TRPC6: variants seen among roughly 807,000 people sequenced by gnomAD.
TRPC6 encodes the protein transient receptor potential cation channel subfamily C member 6.
In TRPC6, 55 loss-of-function variants were observed where a neutral mutation model predicts 90.7. That is an observed-to-expected ratio of 0.61 (90% CI 0.49 to 0.76). TRPC6 has a LOEUF of 0.76. Among genes scored for constraint, TRPC6 ranks in the 30% least tolerant of loss-of-function variants. The probability of loss-of-function intolerance (pLI) is 0.00; values close to 1 mark genes in which losing one functional copy is unlikely to be tolerated. For missense variants in TRPC6, 989 were observed against 1,122.7 expected, an observed-to-expected ratio of 0.88 and a Z score of 1.70; for synonymous variants, 393 against 393.0, an observed-to-expected ratio of 1.00 and a Z score of 0.00.
chr11:101,526,718 G>T (rs1229587690), intron 1 of TRPC6, among the ~76,000 whole-genome samples: 1 of 151,664 alleles, frequency 6.6e-6, no homozygotes, highest in African/African-American at 2.4e-5. Context: ...CAAAAAATTA[G>T]CTGGGCGTGG....
chr11:101,542,336 G>T (rs910105115), intron 1 of TRPC6, among the ~76,000 whole-genome samples: 11 of 152,180 alleles, frequency 7.2e-5, no homozygotes, highest in Admixed American at 1.3e-4. Context: ...ATTGGCCACT[G>T]TATTCAGACC....
intron 1 of TRPC6, among the ~76,000 whole-genome samples, chr11:101,546,050 C>CCTT (rs1861295770): frequency 6.7e-5 from 2 of 29,692 alleles, no homozygotes; most frequent in African/African-American, 2.6e-4. Context: ...ATTTATAACT[C>CCTT]TTTTTTTTTT....
chr11:101,564,545 G>C (rs868846997), intron 1 of TRPC6, among the ~76,000 whole-genome samples: 1 of 152,130 alleles, frequency 6.6e-6, no homozygotes, highest in Middle Eastern at 3.4e-3. Flanking sequence ...TTTAAAAAGA[G>C]ATGCTTCCAA....
intron 1 of TRPC6, among the ~76,000 whole-genome samples, chr11:101,542,847 G>T (rs1360393224): frequency 6.6e-6 from 1 of 151,912 alleles, no homozygotes; most frequent in Non-Finnish European, 1.5e-5. Flanking sequence ...AAAACCTTAA[G>T]AAAACATGAG....
intron 1 of TRPC6, among the ~76,000 whole-genome samples, chr11:101,544,784 C>T (rs1048080491): frequency 7.2e-5 from 11 of 151,946 alleles, no homozygotes; most frequent in South Asian, 4.1e-4. Flanking sequence ...ATGTAGATGA[C>T]GGGTTGATGG....
In TRPC6 at chr11:101,455,112, A is replaced by C; in HGVS notation, c.2485-11T>G. The C allele has an allele frequency of 6.2e-7, 1 of 1,606,000 alleles. No homozygotes were observed. The highest frequency in any genetic ancestry group is 1.7e-4 in the Middle Eastern group (1 of 6,030). On this transcript the variant is annotated splice_polypyrimidine_tract_variant and intron_variant, in intron 10 of 12. Coordinates refer to ENST00000344327, the MANE Select transcript of TRPC6 (RefSeq NM_004621.6). The stretch of plus-strand genomic sequence containing the variant: ...TTTATTGTGCCCAACCTGTAATTTG[A>C]AAAGATTTAGAAATGGATTCCTACT...
At chr11:101,501,600 A>G (rs1860127588) in intron 2 of TRPC6, among the ~76,000 whole-genome samples, 1 of 152,098 alleles carries the variant, frequency 6.6e-6, no homozygotes, top group Admixed American at 6.6e-5. Context: ...CTGTGAGTTT[A>G]CACACAAAGG....
chr11:101,565,068 A>C (rs1037466291), intron 1 of TRPC6, among the ~76,000 whole-genome samples: 2 of 152,148 alleles, frequency 1.3e-5, no homozygotes, highest in South Asian at 2.1e-4. Flanking sequence ...AAATCAGCTC[A>C]AAATAGATTA....
intron 4 of TRPC6, among the ~76,000 whole-genome samples, chr11:101,487,147 C>G (rs1213595710): frequency 1.3e-5 from 2 of 152,046 alleles, no homozygotes; most frequent in Non-Finnish European, 2.9e-5. Flanking sequence ...GCACCAGACA[C>G]TCTGGAATAC....
intron 2 of TRPC6, among the ~76,000 whole-genome samples, chr11:101,493,643 A>T (rs939214577): frequency 6.6e-6 from 1 of 152,210 alleles, no homozygotes; most frequent in East Asian, 1.9e-4. Flanking sequence ...CATTTTGCAC[A>T]TGAAAAAACT....
intron 1 of TRPC6, among the ~76,000 whole-genome samples, chr11:101,506,850 T>C (rs1466876598): frequency 6.6e-6 from 1 of 152,160 alleles, no homozygotes; most frequent in East Asian, 1.9e-4. Flanking sequence ...CCAGAGGTGA[T>C]ACATTTCAAT....
intron 10 of TRPC6, among the ~76,000 whole-genome samples, chr11:101,464,952 G>A (rs1859107205): frequency 1.3e-5 from 2 of 152,042 alleles, no homozygotes; most frequent in African/African-American, 4.8e-5. Context: ...TCCATACTTA[G>A]TGCTTCCTTC....
At chr11:101,496,357 T>C (rs865984432) in intron 2 of TRPC6, among the ~76,000 whole-genome samples, 17 of 152,168 alleles carry the variant, frequency 1.1e-4, no homozygotes, top group African/African-American at 3.9e-4. Flanking sequence ...TCTGGGGCTC[T>C]TCTGCTCCTC....
intron 1 of TRPC6, among the ~76,000 whole-genome samples, chr11:101,567,021 G>C (rs1861848635): frequency 7.4e-6 from 1 of 134,876 alleles, no homozygotes; most frequent in South Asian, 2.7e-4. Context: ...CAGTGAGACA[G>C]AACCATTCAC....
intron 1 of TRPC6, among the ~76,000 whole-genome samples, chr11:101,505,778 G>A (rs1860248021): frequency 6.6e-6 from 1 of 152,134 alleles, no homozygotes; most frequent in Admixed American, 6.5e-5. Flanking sequence ...ACCTTGCAGG[G>A]CCAAGGTGGG....
chr11:101,565,647 C>T (rs1346665280), intron 1 of TRPC6, among the ~76,000 whole-genome samples: 3 of 151,946 alleles, frequency 2.0e-5, no homozygotes, highest in Non-Finnish European at 4.4e-5. Flanking sequence ...ATCATATAGA[C>T]CCATCATTTC....
Position 101,583,703 on chromosome 11 carries a change from T to G in TRPC6, c.-200A>C. The G allele has an allele frequency of 1.9e-6, 1 of 519,090 alleles. No homozygotes were observed. Among genetic ancestry groups the G allele is most frequent in the Non-Finnish European group, 3.2e-6 (1 of 311,180 alleles). 32.2% of individuals were successfully genotyped at this position (519,090 alleles called of 1,614,324 possible). ...CACTGGCCCGGGGAAAAGTCACCAC[T>G]TAAGGGGGTGCAAAGAGGATCTTGA... On this transcript the variant is annotated 5_prime_UTR_variant, in exon 1 of 13. Transcript: ENST00000344327.
Position 101,570,036 on chromosome 11 carries a change from G to A in TRPC6, c.170+13298C>T, listed in dbSNP as rs187317543. On this transcript the variant is annotated intron_variant, in intron 1 of 12. Transcript: ENST00000344327. ...AAGTAAGATCAGAGCACAACTGAAGGAGATAGAGACACAAAAAACCCTTCA... is the reference window on the plus strand; with the variant it reads ...AAGTAAGATCAGAGCACAACTGAAGAAGATAGAGACACAAAAAACCCTTCA... Among the ~76,000 whole-genome samples the A allele has an allele frequency of 8.2e-4, 125 of 152,178 alleles. 1 individual carries two copies. The highest frequency in any genetic ancestry group is 2.8e-3 in the African/African-American group (118 of 41,542).
At chr11:101,572,200 A>G (rs1861979004) in intron 1 of TRPC6, among the ~76,000 whole-genome samples, 2 of 152,202 alleles carry the variant, frequency 1.3e-5, no homozygotes, top group Non-Finnish European at 2.9e-5. Context: ...CCCATCAAAA[A>G]GTGGGCAAAG....
Sources: gnomAD v4.1 joint callset for allele counts (sites outside exome capture counted in the v4.1 genomes callset) on GRCh38, gnomAD v4.1.1 for gene constraint, MANE v1.5 for transcripts, NCBI Gene and HGNC (gene_info 2026-07-23, HGNC 2026-07-21) for gene names.